The following LAMA3 variants were observed in gnomAD, a reference collection of about 807,000 sequenced individuals.
LAMA3 encodes laminin subunit alpha 3.
LAMA3 carries 281 observed loss-of-function variants against 402.0 expected under a neutral mutation model. The observed-to-expected ratio is 0.70, with a 90% CI of 0.63 to 0.77. The LOEUF is 0.77. Among genes scored for constraint, LAMA3 ranks in the 30% least tolerant of loss-of-function variants. The pLI, the probability that LAMA3 is intolerant of heterozygous loss-of-function variation, is 0.00. For synonymous variants in LAMA3, 1,431 were observed against 1,558.4 expected (o/e 0.92, Z 1.93); for missense variants, 3,840 against 4,215.5 (o/e 0.91, Z 2.47).
intron 39 of LAMA3, 60 bp downstream of exon 39, chr18:23,876,467 G>A: frequency 1.8e-6 from 2 of 1,113,476 alleles, no homozygotes; most frequent in South Asian, 1.3e-5. Flanking sequence ...CCATTCCCCT[G>A]TACTATGCCC....
At chr18:23,774,629 C>T (rs1333431855) in intron 9 of LAMA3, among the ~76,000 whole-genome samples, 3 of 152,192 alleles carry the variant, frequency 2.0e-5, no homozygotes, top group African/African-American at 7.2e-5. Flanking sequence ...ACATGTGCAA[C>T]CTATACCCTA....
At chr18:23,941,939 A>T (rs1311025141) in intron 68 of LAMA3, among the ~76,000 whole-genome samples, 1 of 152,204 alleles carries the variant, frequency 6.6e-6, no homozygotes, top group Non-Finnish European at 1.5e-5. Context: ...CCGCACTAAC[A>T]CACAGACACA....
At chr18:23,784,194 C>T (rs762737729) in intron 12 of LAMA3, 37 bp downstream of exon 12, 1 of 1,612,778 alleles carries the variant, frequency 6.2e-7, no homozygotes, top group Admixed American at 1.7e-5. Flanking sequence ...ATAATCAATC[C>T]CTCAAGATAA....
At chr18:23,912,597 T>C in intron 55 of LAMA3, 114 bp from the exon 56 acceptor site, 1 of 847,156 alleles carries the variant, frequency 1.2e-6, no homozygotes, top group Non-Finnish European at 2.0e-6. Context: ...TTGCTCCTTA[T>C]CATAACAACT....
In LAMA3 at chr18:23,916,620, T is replaced by C. The variant is rs761209890; in HGVS notation, c.7848T>C (p.His2616=). ...ATGCTCGAGTTCCAACTCAACCACA[T>C]GCTCCCATCCCAACCTTTGGACAGA... ...TGYARVPTQP[H]APIPTFGQTI... Residue 2616 remains histidine, a synonymous_variant, in exon 60 of 75, where the codon CAT becomes CAC. Transcript: ENST00000313654. The C allele has an allele frequency of 2.5e-6, 4 of 1,614,144 alleles. No individual in the cohort carries two copies. In the Admixed American group the frequency reaches 6.7e-5, roughly 27 times the overall value.
At chr18:23,770,509 C>G (rs1005973908) in intron 8 of LAMA3, among the ~76,000 whole-genome samples, 1 of 152,192 alleles carries the variant, frequency 6.6e-6, no homozygotes, top group Non-Finnish European at 1.5e-5. Flanking sequence ...CGCCTGTAAT[C>G]CCAGCACTTT....
At chr18:23,737,796 G>A (rs574607982) in intron 2 of LAMA3, among the ~76,000 whole-genome samples, 8 of 152,234 alleles carry the variant, frequency 5.3e-5, no homozygotes, top group South Asian at 2.1e-4. Context: ...ACAAGGCCAC[G>A]TGCATTCTAG....
intron 12 of LAMA3, among the ~76,000 whole-genome samples, chr18:23,802,524 C>T (rs57049758): frequency 7.6e-4 from 116 of 152,332 alleles, no homozygotes; most frequent in African/African-American, 2.7e-3. Context: ...TTTTGAAGAA[C>T]AGTTCATTTT....
rs1258153 is a variant in LAMA3, at chr18:23,927,793, T to C, written c.8178-330T>C. Among the ~76,000 whole-genome samples the C allele has an allele frequency of 1, 152,321 of 152,334 alleles. 76,154 individuals are homozygous for C. Among genetic ancestry groups the C allele is most frequent in the Middle Eastern group, 1 (294 of 294 alleles). On this transcript the variant is annotated intron_variant, in intron 62 of 74. Coordinates refer to ENST00000313654, the MANE Select transcript of LAMA3 (RefSeq NM_198129.4). Reference sequence around the variant, plus strand: ...CTTATTAATACATGTCCTATCCACCTGCAATGCCGTGACTCCAGCGGGGAG... The same window carrying C: ...CTTATTAATACATGTCCTATCCACCCGCAATGCCGTGACTCCAGCGGGGAG...
intron 1 of LAMA3, among the ~76,000 whole-genome samples, chr18:23,695,906 C>CAT (rs1408187883): frequency 7.1e-6 from 1 of 139,886 alleles, no homozygotes; most frequent in African/African-American, 2.7e-5. Flanking sequence ...TTGCTTAATG[C>CAT]ATGTGGGGTG....
chr18:23,827,974 C>G (rs1644804578), intron 23 of LAMA3, among the ~76,000 whole-genome samples: 1 of 152,214 alleles, frequency 6.6e-6, no homozygotes, highest in Admixed American at 6.5e-5. Context: ...CAGGTTACTA[C>G]AGGTCTTGGT....
intron 1 of LAMA3, 38 bp from the exon 2 acceptor site, chr18:23,713,878 TAAAA>T: frequency 6.3e-7 from 1 of 1,587,046 alleles, no homozygotes; most frequent in Non-Finnish European, 8.6e-7. Context: ...AGTAAAAAAA[TAAAA>T]AACAAAAAAC....
At chr18:23,708,614 C>T (rs1476259931) in intron 1 of LAMA3, among the ~76,000 whole-genome samples, 2 of 152,054 alleles carry the variant, frequency 1.3e-5, no homozygotes, top group East Asian at 3.8e-4. Context: ...ATTAAATTTT[C>T]TAGTTGTTTG....
At chr18:23,925,310 G>A (rs766605554) in intron 62 of LAMA3, among the ~76,000 whole-genome samples, 3 of 152,168 alleles carry the variant, frequency 2.0e-5, no homozygotes, top group Non-Finnish European at 4.4e-5. Flanking sequence ...CCCAGATCTT[G>A]GAATGGCTTG....
chr18:23,885,629 C>T (rs1007584254), intron 41 of LAMA3, among the ~76,000 whole-genome samples: 4 of 151,886 alleles, frequency 2.6e-5, no homozygotes, highest in African/African-American at 9.7e-5. Context: ...ATAAAAGATA[C>T]TTATAACCTA....
chr18:23,829,152 C>T (rs1439621051), intron 23 of LAMA3, among the ~76,000 whole-genome samples: 1 of 152,156 alleles, frequency 6.6e-6, no homozygotes, highest in Non-Finnish European at 1.5e-5. Flanking sequence ...ACTTTGCCAG[C>T]AAATGATTAT....
chr18:23,816,332 G>A, intron 17 of LAMA3, 56 bp from the exon 18 acceptor site: 1 of 1,363,070 alleles, frequency 7.3e-7, no homozygotes, highest in South Asian at 1.2e-5. Flanking sequence ...CAGCAGGGGA[G>A]GCGCTCAGTG....
chr18:23,909,407 C>T (rs975344613), intron 55 of LAMA3, 112 bp downstream of exon 55: 1 of 1,016,584 alleles, frequency 9.8e-7, no homozygotes, highest in African/African-American at 1.6e-5. Flanking sequence ...GTCTTTCTTT[C>T]CCCAATTCTT....
intron 74 of LAMA3, 100 bp downstream of exon 74, chr18:23,953,209 A>T (rs1479256910): frequency 2.0e-6 from 3 of 1,474,908 alleles, no homozygotes; most frequent in Admixed American, 3.4e-5. Flanking sequence ...GACAGTGGAG[A>T]TGGTGAGGCC....
Sources: allele counts gnomAD v4.1 joint callset (sites outside exome capture counted in the v4.1 genomes callset), GRCh38; gene constraint gnomAD v4.1.1; transcripts MANE v1.5; gene names NCBI Gene and HGNC (gene_info 2026-07-23, HGNC 2026-07-21).